The following LOC400499 variants were observed in gnomAD, a reference collection of about 807,000 sequenced individuals.
At chr16:11,524,711 T>C in the LOC400499 span, among the ~76,000 whole-genome samples, 2 of 152,050 alleles carry the variant, frequency 1.3e-5, no homozygotes, top group South Asian at 2.1e-4. Flanking sequence ...CAGAGATTCC[T>C]GGAGCTCCCT....
chr16:11,469,371 C>T, the LOC400499 span: 1 of 398,916 alleles, frequency 2.5e-6, no homozygotes, highest in Non-Finnish European at 4.4e-6. Flanking sequence ...GATGTAGCAC[C>T]TGTAAAATGG....
chr16:11,414,957 G>A, the LOC400499 span, among the ~76,000 whole-genome samples: 2 of 152,190 alleles, frequency 1.3e-5, no homozygotes, highest in South Asian at 2.1e-4. Flanking sequence ...GCCTGGGGTC[G>A]GGATTTCCCT....
the LOC400499 span, chr16:11,522,030 G>A: frequency 2.5e-6 from 1 of 399,270 alleles, no homozygotes; most frequent in Non-Finnish European, 4.4e-6. Flanking sequence ...CCTCCACCAG[G>A]ACGTCCTGCA....
the LOC400499 span, chr16:11,387,261 G>T: frequency 8.1e-7 from 1 of 1,232,262 alleles, no homozygotes; most frequent in Non-Finnish European, 1.0e-6. Flanking sequence ...TCCCCCGCAG[G>T]CAACAGTGGC....
the LOC400499 span, chr16:11,384,910 C>G: frequency 8.1e-7 from 1 of 1,232,248 alleles, no homozygotes; most frequent in Non-Finnish European, 1.0e-6. Context: ...GGCCCAGAGT[C>G]AGGCTGCAGA....
the LOC400499 span, among the ~76,000 whole-genome samples, chr16:11,457,738 C>T: frequency 2.0e-5 from 3 of 152,106 alleles, no homozygotes; most frequent in Admixed American, 2.0e-4. Context: ...AGCATTTATT[C>T]ACAATAGCCA....
chr16:11,409,434 G>A, the LOC400499 span, among the ~76,000 whole-genome samples: 1 of 152,010 alleles, frequency 6.6e-6, no homozygotes, highest in Non-Finnish European at 1.5e-5. Flanking sequence ...CTTACATATC[G>A]TCTATAGCTG....
At chr16:11,378,665 C>T in the LOC400499 span, among the ~76,000 whole-genome samples, 1 of 152,202 alleles carries the variant, frequency 6.6e-6, no homozygotes, top group African/African-American at 2.4e-5. Flanking sequence ...AAGATACTTT[C>T]TGATTTTTCC....
chr16:11,480,040 C>T, the LOC400499 span, among the ~76,000 whole-genome samples: 1 of 152,180 alleles, frequency 6.6e-6, no homozygotes, highest in Non-Finnish European at 1.5e-5. Flanking sequence ...ACCCTCCCCA[C>T]AACAAGGGGC....
the LOC400499 span, among the ~76,000 whole-genome samples, chr16:11,481,786 C>G: frequency 3.3e-5 from 5 of 152,080 alleles, no homozygotes; most frequent in African/African-American, 1.2e-4. Context: ...GTGCACACCA[C>G]CATGCCCAGC....
the LOC400499 span, among the ~76,000 whole-genome samples, chr16:11,380,608 T>TTTAATTTGTCCTTCAAAAGTTAA: frequency 2.6e-5 from 4 of 152,208 alleles, no homozygotes; most frequent in Non-Finnish European, 5.9e-5. Context: ...ATAACCACCT[T>TTTAATTTGTCCTTCAAAAGTTAA]TTAATTTGTC....
At chr16:11,381,316 G>A in the LOC400499 span, among the ~76,000 whole-genome samples, 1 of 152,114 alleles carries the variant, frequency 6.6e-6, no homozygotes, top group African/African-American at 2.4e-5. Context: ...ATGGCTCACT[G>A]CAGCCTTGAC....
the LOC400499 span, among the ~76,000 whole-genome samples, chr16:11,394,524 G>A: frequency 6.6e-6 from 1 of 152,218 alleles, no homozygotes; most frequent in Non-Finnish European, 1.5e-5. Context: ...GCGCGTGCAC[G>A]TATGTCTGTT....
chr16:11,406,378 T>C, the LOC400499 span, among the ~76,000 whole-genome samples: 1 of 152,210 alleles, frequency 6.6e-6, no homozygotes, highest in Admixed American at 6.5e-5. Flanking sequence ...CCATGGTGTA[T>C]ATATACCACA....
At chr16:11,441,579 C>T in the LOC400499 span, among the ~76,000 whole-genome samples, 2 of 152,144 alleles carry the variant, frequency 1.3e-5, no homozygotes. Flanking sequence ...TGTGACCTTT[C>T]ATGGCAAAAG....
At chr16:11,503,144 G>A in the LOC400499 span, among the ~76,000 whole-genome samples, 1 of 150,650 alleles carries the variant, frequency 6.6e-6, no homozygotes, top group African/African-American at 2.5e-5. Context: ...CAAACTTCTG[G>A]GCTCAAGTGA....
chr16:11,380,514 GA>G, the LOC400499 span, among the ~76,000 whole-genome samples: 72 of 152,102 alleles, frequency 4.7e-4, no homozygotes, highest in African/African-American at 1.7e-3. Context: ...GGACAGAGCA[GA>G]GACCCTGTCT....
the LOC400499 span, among the ~76,000 whole-genome samples, chr16:11,400,447 T>C: frequency 7.1e-6 from 1 of 140,844 alleles, no homozygotes; most frequent in Admixed American, 6.9e-5. Flanking sequence ...TCTTTTTTTT[T>C]TCTTTTTTTC....
chr16:11,484,804 C>T, the LOC400499 span: 1 of 331,388 alleles, frequency 3.0e-6, no homozygotes, highest in Non-Finnish European at 5.3e-6. Flanking sequence ...ACCCAAGTCT[C>T]AGGTTCAAAA....
Sources: gnomAD v4.1 joint callset for allele counts (sites outside exome capture counted in the v4.1 genomes callset) on GRCh38, gnomAD v4.1.1 for gene constraint, MANE v1.5 for transcripts.